ZNF385D: variants seen among roughly 807,000 people sequenced by gnomAD.
ZNF385D encodes zinc finger protein 385D, also known as zinc finger protein 659.
In ZNF385D, 15 loss-of-function variants were observed where a neutral mutation model predicts 35.8. That is an observed-to-expected ratio of 0.42 (90% CI 0.28 to 0.64). ZNF385D has a LOEUF of 0.64. Among genes scored for constraint, ZNF385D ranks in the 30% least tolerant of loss-of-function variants. The pLI is 0.23. For missense variants in ZNF385D, 474 were observed against 494.6 expected, an observed-to-expected ratio of 0.96 and a Z score of 0.39; for synonymous variants, 212 against 186.8, an observed-to-expected ratio of 1.13 and a Z score of -1.10.
chr3:21,994,780 C>A (rs967006945), intron 3 of ZNF385D, among the ~76,000 whole-genome samples: 14 of 152,128 alleles, frequency 9.2e-5, no homozygotes, highest in African/African-American at 3.4e-4. Context: ...GTAGTGTAGT[C>A]TCAGTATGAT....
chr3:21,473,489 T>C (rs1446285502), intron 4 of ZNF385D, among the ~76,000 whole-genome samples: 1 of 152,096 alleles, frequency 6.6e-6, no homozygotes, highest in Non-Finnish European at 1.5e-5. Context: ...GTGTGGTTGT[T>C]TTCTAGTTGT....
At chr3:22,241,130 C>T (rs930923729) in intron 2 of ZNF385D, among the ~76,000 whole-genome samples, 10 of 150,980 alleles carry the variant, frequency 6.6e-5, no homozygotes, top group African/African-American at 2.4e-4. Flanking sequence ...ATAAATTATC[C>T]TTATTGTATT....
chr3:22,213,553 T>G lies in ZNF385D; in HGVS notation c.107-44518A>C, dbSNP rs544953293. 5.3e-5 allele frequency among the ~76,000 whole-genome samples: 8 copies of G among 152,188 alleles called. 1 individual carries two copies. In the South Asian group the frequency reaches 1.7e-3, roughly 32 times the overall value. On this transcript the variant is annotated intron_variant, in intron 2 of 5. Transcript: ENST00000494108. The stretch of plus-strand genomic sequence containing the variant: ...CACTACCAAAGCACAGGATAAACAC[T>G]CTAGGTATCAGTATGAATCAGTCTT...
At chr3:22,069,285 A>G (rs78673591) in intron 3 of ZNF385D, among the ~76,000 whole-genome samples, 12,605 of 152,194 alleles carry the variant, frequency 0.083, 687 homozygotes, top group Admixed American at 0.16. Context: ...ATGGTTCTAC[A>G]TACCCTCACC....
At chr3:21,970,055 AG>A (rs1703151095) in intron 3 of ZNF385D, among the ~76,000 whole-genome samples, 1 of 152,216 alleles carries the variant, frequency 6.6e-6, no homozygotes, top group Admixed American at 6.5e-5. Flanking sequence ...TTTACATTAC[AG>A]CACCCAAGAC....
chr3:21,618,277 G>A (rs866996869), intron 2 of ZNF385D, among the ~76,000 whole-genome samples: 1 of 68,342 alleles, frequency 1.5e-5, no homozygotes, highest in Middle Eastern at 7.1e-3. Flanking sequence ...CAGACACACA[G>A]AAAAGATGGC....
At chr3:22,016,263 T>C (rs969744710) in intron 3 of ZNF385D, among the ~76,000 whole-genome samples, 1 of 151,994 alleles carries the variant, frequency 6.6e-6, no homozygotes, top group Non-Finnish European at 1.5e-5. Flanking sequence ...GGGTAGAGGG[T>C]AGGTATGCGT....
chr3:21,888,185 T>C (rs551831565), intron 3 of ZNF385D, among the ~76,000 whole-genome samples: 1 of 152,298 alleles, frequency 6.6e-6, no homozygotes, highest in South Asian at 2.1e-4. Context: ...CAGTTCAAAA[T>C]TGTATTGCTT....
chr3:22,085,193 C>T (rs1298961338), intron 3 of ZNF385D, among the ~76,000 whole-genome samples: 1 of 152,048 alleles, frequency 6.6e-6, no homozygotes, highest in African/African-American at 2.4e-5. Context: ...CGAACAAATT[C>T]AAAAGCTAGC....
chr3:21,815,600 G>GAC (rs1166678930), intron 3 of ZNF385D, among the ~76,000 whole-genome samples: 1 of 152,090 alleles, frequency 6.6e-6, no homozygotes, highest in Non-Finnish European at 1.5e-5. Flanking sequence ...AAAACTTCTG[G>GAC]ACACACACAC....
chr3:22,151,460 G>A (rs1705227975), intron 3 of ZNF385D, among the ~76,000 whole-genome samples: 7 of 152,136 alleles, frequency 4.6e-5, no homozygotes, highest in Admixed American at 4.6e-4. Context: ...AATTCCTACA[G>A]TTGATGGATT....
intron 2 of ZNF385D, among the ~76,000 whole-genome samples, chr3:22,361,576 A>G (rs1696409461): frequency 6.6e-6 from 1 of 152,006 alleles, no homozygotes; most frequent in Non-Finnish European, 1.5e-5. Context: ...CTCCCTTAAT[A>G]CTGTCATTTA....
At chr3:22,184,133 C>T (rs1695469816) in intron 2 of ZNF385D, among the ~76,000 whole-genome samples, 1 of 152,124 alleles carries the variant, frequency 6.6e-6, no homozygotes, top group Non-Finnish European at 1.5e-5. Flanking sequence ...CTGACTGTAA[C>T]ATGTTCAAGT....
intron 3 of ZNF385D, among the ~76,000 whole-genome samples, chr3:21,861,392 C>T (rs1056005494): frequency 1.3e-5 from 2 of 152,136 alleles, no homozygotes; most frequent in East Asian, 1.9e-4. Context: ...ATTGCCTTCA[C>T]TCATCTCACT....
rs1156897204 is a variant in ZNF385D, at chr3:22,128,964, G to A, written c.325+39853C>T. On this transcript the variant is annotated intron_variant, in intron 3 of 5. Transcript: ENST00000494108. ...AGGCTTGTCTATACCTGTCCTACTT[G>A]AGAAGGTTTTCCATGTATTGAAAGG... Among the ~76,000 whole-genome samples the A allele has an allele frequency of 2.0e-5, 3 of 152,172 alleles. No homozygotes were observed. The East Asian group carries it at 5.8e-4, about 29-fold the overall frequency.
At chr3:22,132,098 T>C (rs768776623) in intron 3 of ZNF385D, among the ~76,000 whole-genome samples, 1 of 152,154 alleles carries the variant, frequency 6.6e-6, no homozygotes, top group Admixed American at 6.6e-5. Context: ...GAAGTGATTA[T>C]AGTGGTGCTA....
intron 2 of ZNF385D, among the ~76,000 whole-genome samples, chr3:22,308,213 G>C (rs1241994824): frequency 6.6e-6 from 1 of 151,954 alleles, no homozygotes; most frequent in Admixed American, 6.6e-5. Context: ...TTAGAAAATA[G>C]TTTACTCTAA....
chr3:22,359,239 G>T (rs1223423753), intron 2 of ZNF385D, among the ~76,000 whole-genome samples: 1 of 151,688 alleles, frequency 6.6e-6, no homozygotes, highest in Non-Finnish European at 1.5e-5. Flanking sequence ...CACTGGAATT[G>T]ATTCGATTAA....
chr3:21,936,554 A>T (rs150015126), intron 3 of ZNF385D, among the ~76,000 whole-genome samples: 1 of 152,074 alleles, frequency 6.6e-6, no homozygotes, highest in Non-Finnish European at 1.5e-5. Context: ...TATAGCATTT[A>T]TCATAATTTA....
Sources: allele counts gnomAD v4.1 joint callset (sites outside exome capture counted in the v4.1 genomes callset), GRCh38; gene constraint gnomAD v4.1.1; transcripts MANE v1.5; gene names NCBI Gene and HGNC (gene_info 2026-07-23, HGNC 2026-07-21).